The following MEGF6 variants were observed in gnomAD, a reference collection of about 807,000 sequenced individuals.
MEGF6 encodes the protein multiple EGF like domains 6, also known as multiple epidermal growth factor-like domains protein 6.
In MEGF6, 184 loss-of-function variants were observed where a neutral mutation model predicts 207.1. That is an observed-to-expected ratio of 0.89 (90% confidence interval 0.79 to 1.00). The LOEUF (loss-of-function observed/expected upper bound fraction) is 1.00. MEGF6 is among the 50% of genes least tolerant of loss of function. MEGF6 has a pLI of 0.00. For synonymous variants in MEGF6, 1,038 were observed against 910.0 expected (o/e 1.14, Z -2.53); for missense variants, 2,282 against 2,202.9 (o/e 1.04, Z -0.72).
At chr1:3,492,026 A>C (rs1272679490) in intron 35 of MEGF6, among the ~76,000 whole-genome samples, 1 of 152,062 alleles carries the variant, frequency 6.6e-6, no homozygotes, top group Non-Finnish European at 1.5e-5. Context: ...ATGCACACGT[A>C]ACACACAGGC....
At chr1:3,621,283 C>G in the MEGF6 span, among the ~76,000 whole-genome samples, 4 of 152,360 alleles carry the variant, frequency 2.6e-5, no homozygotes, top group East Asian at 1.9e-4. Flanking sequence ...GACCACGGTC[C>G]GCTTGGTAAC....
At chr1:3,519,559 GC>G (rs1641669082) in intron 5 of MEGF6, among the ~76,000 whole-genome samples, 1 of 152,252 alleles carries the variant, frequency 6.6e-6, no homozygotes, top group Non-Finnish European at 1.5e-5. Context: ...CACGGGTTCA[GC>G]TTCTCCAGAG....
chr1:3,621,665 G>A, the MEGF6 span, among the ~76,000 whole-genome samples: 1 of 152,182 alleles, frequency 6.6e-6, no homozygotes, highest in Non-Finnish European at 1.5e-5. Flanking sequence ...GTGGAGCTAC[G>A]AGAAGGGGGA....
intron 4 of MEGF6, among the ~76,000 whole-genome samples, chr1:3,541,837 G>A (rs1051441131): frequency 6.6e-6 from 1 of 152,126 alleles, no homozygotes; most frequent in Admixed American, 6.5e-5. Flanking sequence ...ACCGTGGGGG[G>A]AGTCTCTGGT....
intron 10 of MEGF6, 61 bp downstream of exon 10, chr1:3,510,722 T>C: frequency 5.8e-6 from 9 of 1,544,370 alleles, no homozygotes; most frequent in Non-Finnish European, 7.9e-6. Context: ...CCCCGTGTCC[T>C]TCCTTAGGGC....
intron 5 of MEGF6, among the ~76,000 whole-genome samples, chr1:3,517,606 G>A (rs1038681148): frequency 6.6e-6 from 1 of 152,242 alleles, no homozygotes; most frequent in African/African-American, 2.4e-5. Flanking sequence ...GCCCAGCACT[G>A]CTAGGGATGT....
chr1:3,534,593 C>T (rs1050824794), intron 4 of MEGF6, among the ~76,000 whole-genome samples: 4 of 152,156 alleles, frequency 2.6e-5, no homozygotes, highest in African/African-American at 7.2e-5. Flanking sequence ...AGTGGGAGGC[C>T]GAGTCTGGAG....
At chr1:3,568,556 C>G (rs1049737779) in intron 4 of MEGF6, among the ~76,000 whole-genome samples, 5 of 152,084 alleles carry the variant, frequency 3.3e-5, no homozygotes, top group Admixed American at 6.5e-5. Context: ...AAGCAGCTCT[C>G]CCCAGCACTC....
rs1207971697 is a variant in MEGF6 at position 3,514,544 on chromosome 1, T to A, written c.853+6A>T. On this transcript the variant is annotated splice_donor_region_variant and intron_variant, in intron 7 of 36. Coordinates refer to ENST00000356575, the MANE Select transcript of MEGF6 (RefSeq NM_001409.4). ...GGCGGGGCGGAGCAGGGGAGGGGCG[T>A]CCTACCTTCACAGGCCTTGCCGTCC... is the stretch of plus-strand genomic sequence containing the variant. 1 of 1,589,190 alleles carries A rather than the reference T, an allele frequency of 6.3e-7. No individual in the cohort carries two copies. Among genetic ancestry groups the A allele is most frequent in the Non-Finnish European group, 8.5e-7 (1 of 1,171,400 alleles).
chr1:3,594,097 C>T lies in MEGF6; in HGVS notation c.376+1241G>A, dbSNP rs974980770. 5.3e-5 allele frequency among the ~76,000 whole-genome samples: 8 copies of T among 152,118 alleles called. No homozygotes were observed. The highest frequency in any genetic ancestry group is 2.1e-4 in the South Asian group (1 of 4,826). ...TAGAGCTGGGTTCTGTTCCTGTCACCGGAGCCCAGGGGAGCCCACTGTCCA... is the reference window on the plus strand; with the variant it reads ...TAGAGCTGGGTTCTGTTCCTGTCACTGGAGCCCAGGGGAGCCCACTGTCCA... On this transcript the variant is annotated intron_variant, in intron 3 of 36. Coordinates refer to ENST00000356575, the MANE Select transcript of MEGF6 (RefSeq NM_001409.4). This position sits in a 1 kb window ranked among gnomAD's most constrained non-coding sequence, Gnocchi z 4.2.
intron 11 of MEGF6, 53 bp downstream of exon 11, chr1:3,509,817 G>A (rs1033701460): frequency 2.7e-6 from 4 of 1,500,702 alleles, no homozygotes; most frequent in Non-Finnish European, 3.6e-6. Flanking sequence ...GGGTCAGCTG[G>A]GGCAAACTCG....
rs757932657 is a variant in MEGF6, at chr1:3,510,037, GA to G, written c.1235-46del. 10 of 1,556,320 alleles carry G rather than the reference GA, an allele frequency of 6.4e-6. No individual in the cohort carries two copies. In the South Asian group the frequency reaches 1.2e-4, roughly 18 times the overall value. On this transcript the variant is annotated intron_variant, in intron 10 of 36. Transcript: ENST00000356575. Reference sequence around the variant, plus strand: ...ACTGAGGCCTGTGCTCCCAGGTGGGGAACCAGGAAGGCCCCTGCCCACCCAG... The same window carrying G: ...ACTGAGGCCTGTGCTCCCAGGTGGGGACCAGGAAGGCCCCTGCCCACCCAG...
chr1:3,497,670 C>A, intron 26 of MEGF6: 1 of 549,282 alleles, frequency 1.8e-6, no homozygotes, highest in East Asian at 4.0e-5. Flanking sequence ...CTGGCAGCCC[C>A]GCCCCATGGA....
intron 5 of MEGF6, among the ~76,000 whole-genome samples, chr1:3,521,674 C>T (rs1008158695): frequency 4.6e-5 from 7 of 152,178 alleles, no homozygotes; most frequent in South Asian, 2.1e-4. Flanking sequence ...GAGCAGCTCC[C>T]GCTGGGCCCA....
chr1:3,561,527 G>A (rs1290328617), intron 4 of MEGF6, among the ~76,000 whole-genome samples: 1 of 152,216 alleles, frequency 6.6e-6, no homozygotes, highest in African/African-American at 2.4e-5. Context: ...GCAGACACCA[G>A]GCCTGGATGG....
chr1:3,614,666 G>T (rs1644363772), upstream of MEGF6, among the ~76,000 whole-genome samples: 1 of 152,218 alleles, frequency 6.6e-6, no homozygotes, highest in Non-Finnish European at 1.5e-5. Context: ...TTCCTCTGCA[G>T]TTCCCTCCAT....
intron 4 of MEGF6, among the ~76,000 whole-genome samples, chr1:3,574,150 C>T (rs1438707471): frequency 6.6e-6 from 1 of 152,036 alleles, no homozygotes; most frequent in African/African-American, 2.4e-5. Flanking sequence ...GGTGCTGAGG[C>T]TCCAGGCAGG....
chr1:3,566,643 C>T (rs564704790), intron 4 of MEGF6, among the ~76,000 whole-genome samples: 15 of 152,314 alleles, frequency 9.8e-5, no homozygotes, highest in South Asian at 2.1e-4. Flanking sequence ...CTTCCCCCAA[C>T]GCACTTCACG....
At chr1:3,520,419 G>A (rs780431950) in intron 5 of MEGF6, among the ~76,000 whole-genome samples, 2 of 152,292 alleles carry the variant, frequency 1.3e-5, no homozygotes, top group African/African-American at 2.4e-5. Context: ...CCAGACACTC[G>A]GGCCAGACCA....
Sources: gnomAD v4.1 joint callset for allele counts (sites outside exome capture counted in the v4.1 genomes callset) on GRCh38, gnomAD v4.1.1 for gene constraint, Gnocchi (gnomAD v3.1) non-coding constraint, MANE v1.5 for transcripts, NCBI Gene and HGNC (gene_info 2026-07-23, HGNC 2026-07-21) for gene names.